Variants in KLHL23 observed in about 807,000 individuals in gnomAD.
KLHL23 encodes the protein kelch like family member 23, also known as kelch-like protein 23.
A neutral mutation model predicts 48.9 loss-of-function variants in KLHL23; 33 were observed. That is an observed-to-expected ratio of 0.67 (90% CI 0.51 to 0.90). The LOEUF is 0.90. Ranked by LOEUF, KLHL23 falls within the 40% of genes least tolerant of loss-of-function variation. The probability of loss-of-function intolerance (pLI) is 0.00; values close to 1 mark genes in which losing one functional copy is unlikely to be tolerated. For synonymous variants in KLHL23, 234 were observed against 231.6 expected, an observed-to-expected ratio of 1.01 and a Z score of -0.09; for missense variants, 608 against 669.6, an observed-to-expected ratio of 0.91 and a Z score of 1.02.
Position 169,749,645 on chromosome 2 carries a change from T to C in KLHL23, c.1590T>C (p.Tyr530=). 2 of 1,614,150 alleles carry C rather than the reference T, an allele frequency of 1.2e-6. No homozygotes were observed. Among genetic ancestry groups the C allele is most frequent in the Non-Finnish European group, 8.5e-7 (1 of 1,180,032 alleles). The part of the protein sequence containing the change: ...KGTYLQSIEK[Y]DPDLNKWEIV... ...CGTATCTTCAGAGCATTGAGAAATATGATCCAGATCTTAATAAGTGGGAAA... is the reference window on the plus strand; with the variant it reads ...CGTATCTTCAGAGCATTGAGAAATACGATCCAGATCTTAATAAGTGGGAAA... Residue 530 remains tyrosine, a synonymous_variant, in exon 4 of 4, where the codon TAT becomes TAC. Transcript: ENST00000392647.
intron 2 of KLHL23, among the ~76,000 whole-genome samples, chr2:169,738,763 G>A (rs56390123): frequency 0.67 from 100,928 of 149,868 alleles, 34,259 homozygotes; most frequent in African/African-American, 0.78. Flanking sequence ...CAAAACCAAC[G>A]TTTTCAACTA....
intron 3 of KLHL23, 76 bp downstream of exon 3, chr2:169,741,613 G>A (rs957582446): frequency 1.4e-6 from 2 of 1,473,244 alleles, no homozygotes; most frequent in Admixed American, 2.2e-5. Context: ...AAAATGGACT[G>A]GAAATAGAAA....
At chr2:169,745,747 A>G (rs1688782414) in intron 3 of KLHL23, among the ~76,000 whole-genome samples, 1 of 152,170 alleles carries the variant, frequency 6.6e-6, no homozygotes, top group African/African-American at 2.4e-5. Context: ...AAAGGAGTTG[A>G]CAGTCGTCTC....
At chr2:169,745,251 G>A (rs139649904) in intron 3 of KLHL23, among the ~76,000 whole-genome samples, 1,716 of 151,946 alleles carry the variant, frequency 0.011, 47 homozygotes, top group African/African-American at 0.04. Flanking sequence ...GGTGGCTCAC[G>A]CCTGTAATCC....
At chr2:169,740,153 C>T (rs1444138039) in intron 2 of KLHL23, among the ~76,000 whole-genome samples, 1 of 152,142 alleles carries the variant, frequency 6.6e-6, no homozygotes, top group Non-Finnish European at 1.5e-5. Context: ...TGCTCTGACA[C>T]GTACGCTGGA....
At position 169,749,968 on chromosome 2, in the gene KLHL23, T is replaced by TATATGTATATATACGTATGTATGTATAC. The variant is rs74199882; in HGVS notation, c.*240_*241insGTATATATACGTATGTATGTATACATAT. 1.3e-4 allele frequency: 18 copies of TATATGTATATATACGTATGTATGTATAC among 135,804 alleles called. No homozygotes were observed. The highest frequency in any genetic ancestry group is 9.7e-4 in the African/African-American group (17 of 17,566). 8.4% of individuals were successfully genotyped at this position (135,804 alleles called of 1,614,324 possible). On this transcript the variant is annotated 3_prime_UTR_variant, in exon 4 of 4. Transcript: ENST00000392647. ...ATATGTGTTCATATATATGTATACA[T>TATATGTATATATACGTATGTATGTATAC]ATATATGTGTATATATACGTATGTA...
intron 2 of KLHL23, among the ~76,000 whole-genome samples, chr2:169,739,025 C>A (rs1225341844): frequency 9.9e-6 from 1 of 100,506 alleles, no homozygotes; most frequent in Non-Finnish European, 2.0e-5. Flanking sequence ...TCCTCTCCCT[C>A]CTTCTGCCTT....
intron 1 of KLHL23, 34 bp from the exon 2 acceptor site, chr2:169,734,979 T>G (rs772026666): frequency 6.6e-7 from 1 of 1,513,010 alleles, no homozygotes; most frequent in Non-Finnish European, 8.8e-7. Flanking sequence ...TGTGCAACAT[T>G]GAAAACACAT....
chr2:169,735,357 G>A lies in KLHL23; in HGVS notation c.343G>A (p.Asp115Asn). The change falls in exon 2 of 4, where the codon GAT becomes AAT. Residue 115 changes from aspartate to asparagine, a missense_variant. By Grantham distance (23) the Asp-to-Asn change is conservative. Transcript: ENST00000392647. The surrounding 1 kb of genome is among the most constrained non-coding windows in gnomAD (Gnocchi z 4.5). ...RNVQSLLEAADLLQFLSVKKA... is the reference protein window; with the variant it reads ...RNVQSLLEAANLLQFLSVKKA... ...TGTTCAAAGCCTGCTTGAGGCAGCG[G>A]ATCTGCTACAGTTCCTTTCAGTAAA... 6.2e-7 allele frequency: 1 copy of A among 1,612,926 alleles called. No homozygotes were observed. Among genetic ancestry groups the A allele is most frequent in the Non-Finnish European group, 8.5e-7 (1 of 1,179,786 alleles).
At position 169,739,405 on chromosome 2, in the gene KLHL23, A is replaced by G. The variant is rs866958212; in HGVS notation, c.1214-1980A>G. On this transcript the variant is annotated intron_variant, in intron 2 of 3. Transcript: ENST00000392647. The stretch of plus-strand genomic sequence containing the variant: ...GGCATCAGTAAGTATCCTTTGCTAC[A>G]TGGCTTCAACTTACCATGCCAGCCT... 3.9e-4 allele frequency among the ~76,000 whole-genome samples: 59 copies of G among 152,318 alleles called. 1 individual carries two copies. In the Middle Eastern group the frequency reaches 0.027, roughly 70 times the overall value.
rs561478110 is a variant in KLHL23, at chr2:169,740,472, G to A, written c.1214-913G>A. 1.7e-4 allele frequency among the ~76,000 whole-genome samples: 24 copies of A among 142,892 alleles called. No homozygotes were observed. The East Asian group carries it at 2.7e-3, about 16-fold the overall frequency. 93.7% of individuals were successfully genotyped at this position (142,892 alleles called of 152,430 possible). ...TATAAGCTTTTTTTTTTTTTGAGAC[G>A]GAGTCTCGCTCTGTCACCCAGGCTG... On this transcript the variant is annotated intron_variant, in intron 2 of 3. Coordinates refer to ENST00000392647, the MANE Select transcript of KLHL23 (RefSeq NM_144711.6).
At chr2:169,746,313 T>G (rs1404468413) in intron 3 of KLHL23, among the ~76,000 whole-genome samples, 1 of 152,216 alleles carries the variant, frequency 6.6e-6, no homozygotes, top group African/African-American at 2.4e-5. Context: ...GAAAAAAAAT[T>G]GAAATCAATT....
intron 2 of KLHL23, among the ~76,000 whole-genome samples, chr2:169,739,510 G>A (rs1178641176): frequency 2.0e-5 from 3 of 152,100 alleles, no homozygotes; most frequent in Non-Finnish European, 4.4e-5. Flanking sequence ...GTAAGCCTTT[G>A]CACTGGCTTT....
intron 3 of KLHL23, among the ~76,000 whole-genome samples, chr2:169,744,243 A>G (rs1311703462): frequency 6.6e-6 from 1 of 152,230 alleles, no homozygotes; most frequent in Non-Finnish European, 1.5e-5. Flanking sequence ...TGTAAAAACA[A>G]GTGCTATTGA....
At chr2:169,738,692 A>G (rs1356403374) in intron 2 of KLHL23, among the ~76,000 whole-genome samples, 5 of 152,050 alleles carry the variant, frequency 3.3e-5, no homozygotes, top group African/African-American at 4.8e-5. Context: ...TGGAATAGAA[A>G]GGAACAAGAA....
Position 169,750,110 on chromosome 2 carries a change from ATG to A in KLHL23, c.*384_*385del, listed in dbSNP as rs1491049857. On this transcript the variant is annotated 3_prime_UTR_variant, in exon 4 of 4. Transcript: ENST00000392647. ...TATACATATATGTGTATACATATATATGTGTGTATATATATACACATATATAC... is the reference window on the plus strand; with the variant it reads ...TATACATATATGTGTATACATATATATGTGTATATATATACACATATATAC... 1.1e-4 allele frequency: 2 copies of A among 18,440 alleles called. No individual in the cohort carries two copies. Among genetic ancestry groups the A allele is most frequent in the Non-Finnish European group, 1.7e-4 (1 of 5,826 alleles). 1.1% of individuals were successfully genotyped at this position (18,440 alleles called of 1,614,324 possible). A position where few individuals can be genotyped will look rare whatever the true frequency, so the allele number is the denominator to read the frequency against.
At chr2:169,744,636 G>A (rs917336996) in intron 3 of KLHL23, among the ~76,000 whole-genome samples, 2 of 151,036 alleles carry the variant, frequency 1.3e-5, no homozygotes, top group Non-Finnish European at 2.9e-5. Flanking sequence ...TCGGCTAACC[G>A]CAACATCCGC....
At chr2:169,742,840 TAAC>T (rs1176861552) in intron 3 of KLHL23, among the ~76,000 whole-genome samples, 1 of 152,232 alleles carries the variant, frequency 6.6e-6, no homozygotes, top group Non-Finnish European at 1.5e-5. Flanking sequence ...AAAGGAATAG[TAAC>T]AACTCACAGT....
chr2:169,734,456 G>C (rs1362452300), intron 1 of KLHL23, among the ~76,000 whole-genome samples: 1 of 151,408 alleles, frequency 6.6e-6, no homozygotes, highest in South Asian at 2.1e-4. Flanking sequence ...CGGCGGGCGC[G>C]GGGGAGGGGG....
Sources: allele counts gnomAD v4.1 joint callset (sites outside exome capture counted in the v4.1 genomes callset), GRCh38; gene constraint gnomAD v4.1.1; non-coding constraint Gnocchi (gnomAD v3.1); transcripts MANE v1.5; gene names NCBI Gene and HGNC (gene_info 2026-07-23, HGNC 2026-07-21).